Variants in KCNMA1 observed in about 807,000 individuals in gnomAD.
The protein encoded by KCNMA1 is potassium calcium-activated channel subfamily M alpha 1.
KCNMA1 carries 29 observed loss-of-function variants against 140.0 expected under a neutral mutation model. That is an observed-to-expected ratio of 0.21 (90% CI 0.15 to 0.28). KCNMA1 has a LOEUF of 0.28. KCNMA1 is among the 10% of genes least tolerant of loss of function. KCNMA1 has a pLI of 1.00. For synonymous variants in KCNMA1, 612 were observed against 611.9 expected, an observed-to-expected ratio of 1.00 and a Z score of 0.00; for missense variants, 880 against 1,602.2, an observed-to-expected ratio of 0.55 and a Z score of 7.70.
intron 1 of KCNMA1, among the ~76,000 whole-genome samples, chr10:77,537,757 C>T (rs1268582432): frequency 2.6e-5 from 4 of 152,102 alleles, no homozygotes; most frequent in Admixed American, 6.5e-5. Context: ...ATCAGAGTCT[C>T]GGTGGCACCG....
chr10:77,409,722 C>T (rs2096576492), intron 1 of KCNMA1, among the ~76,000 whole-genome samples: 1 of 152,178 alleles, frequency 6.6e-6, no homozygotes, highest in African/African-American at 2.4e-5. Flanking sequence ...CAGCCCCATC[C>T]CTCAGATTTG....
chr10:77,475,482 T>C (rs2154529863), intron 1 of KCNMA1, among the ~76,000 whole-genome samples: 1 of 152,278 alleles, frequency 6.6e-6, no homozygotes, highest in East Asian at 1.9e-4. Flanking sequence ...TTAAGATCCT[T>C]ACACACGCTT....
At chr10:76,996,220 T>C (rs2084275493) in intron 19 of KCNMA1, among the ~76,000 whole-genome samples, 1 of 152,210 alleles carries the variant, frequency 6.6e-6, no homozygotes, top group Non-Finnish European at 1.5e-5. Context: ...AAGGCAATTT[T>C]GCCCAAGCAT....
chr10:77,107,737 C>A (rs2097224817), intron 9 of KCNMA1, among the ~76,000 whole-genome samples: 1 of 152,202 alleles, frequency 6.6e-6, no homozygotes, highest in Non-Finnish European at 1.5e-5. Context: ...CAGAAATATA[C>A]TATTTCTTGC....
At chr10:77,406,989 A>G (rs1428906936) in intron 1 of KCNMA1, among the ~76,000 whole-genome samples, 2 of 152,210 alleles carry the variant, frequency 1.3e-5, no homozygotes, top group Non-Finnish European at 2.9e-5. Flanking sequence ...TAACTGCATC[A>G]GTAATTCATA....
chr10:77,541,171 A>G (rs986271718), intron 1 of KCNMA1, among the ~76,000 whole-genome samples: 1 of 152,172 alleles, frequency 6.6e-6, no homozygotes, highest in Non-Finnish European at 1.5e-5. Context: ...AAACTCACAT[A>G]TTGTATCAGT....
chr10:77,600,784 C>T (rs1394331065), intron 1 of KCNMA1, among the ~76,000 whole-genome samples: 6 of 151,884 alleles, frequency 4.0e-5, no homozygotes, highest in Non-Finnish European at 5.9e-5. Context: ...CACACATATG[C>T]GCACATGCAC....
intron 3 of KCNMA1, among the ~76,000 whole-genome samples, chr10:77,185,415 T>C (rs764890431): frequency 6.6e-6 from 1 of 152,056 alleles, no homozygotes; most frequent in Non-Finnish European, 1.5e-5. Flanking sequence ...CATTAGTTGA[T>C]TAATAAATTC....
intron 3 of KCNMA1, among the ~76,000 whole-genome samples, chr10:77,229,975 CAG>C (rs2053029219): frequency 6.6e-6 from 1 of 152,130 alleles, no homozygotes; most frequent in Admixed American, 6.5e-5. Context: ...GGAATTCAAA[CAG>C]ATACTTGTGC....
chr10:77,005,637 G>T (rs2088245511), intron 18 of KCNMA1, among the ~76,000 whole-genome samples: 4 of 152,302 alleles, frequency 2.6e-5, no homozygotes, highest in South Asian at 2.1e-4. Context: ...ATTCTATGAG[G>T]TTATGTGGTT....
intron 2 of KCNMA1, among the ~76,000 whole-genome samples, chr10:77,258,216 T>TA (rs1457985072): frequency 6.6e-6 from 1 of 152,220 alleles, no homozygotes; most frequent in Non-Finnish European, 1.5e-5. Flanking sequence ...GTAAACCATG[T>TA]ATACATAAGT....
At chr10:77,393,315 C>T (rs945143113) in intron 2 of KCNMA1, among the ~76,000 whole-genome samples, 11 of 152,210 alleles carry the variant, frequency 7.2e-5, no homozygotes, top group African/African-American at 2.7e-4. Context: ...ATTTGTTCTT[C>T]ACCCCCTGAC....
chr10:77,592,341 C>A (rs896810509), intron 1 of KCNMA1, among the ~76,000 whole-genome samples: 1 of 152,146 alleles, frequency 6.6e-6, no homozygotes, highest in Non-Finnish European at 1.5e-5. Flanking sequence ...GGACCCTGGA[C>A]TGGATCCTGG....
At chr10:77,072,899 C>T (rs1358839413) in intron 14 of KCNMA1, among the ~76,000 whole-genome samples, 198 bp downstream of exon 14, 1 of 152,086 alleles carries the variant, frequency 6.6e-6, no homozygotes, top group Non-Finnish European at 1.5e-5. Context: ...CATTTAATGG[C>T]CGTGGATGTG....
In KCNMA1 at chr10:76,878,838, G is replaced by A. The variant is rs142326446; in HGVS notation, c.3428-948C>T. Among the ~76,000 whole-genome samples, 344 of 152,162 alleles carry A rather than the reference G, an allele frequency of 2.3e-3. 2 individuals are homozygous for A. The highest frequency in any genetic ancestry group is 8.1e-3 in the African/African-American group (338 of 41,498). On this transcript the variant is annotated intron_variant, in intron 29 of 29. Coordinates refer to the KCNMA1 transcript ENST00000372403. ...CCTCTTTCTAGGATTGAAATTTTCT[G>A]GGAAATTGGCCATGTGTATAGATAG...
intron 1 of KCNMA1, among the ~76,000 whole-genome samples, chr10:77,449,056 C>A (rs1182600157): frequency 1.3e-5 from 2 of 149,866 alleles, no homozygotes; most frequent in Admixed American, 1.3e-4. Context: ...CACTGCACTC[C>A]AGCCTGGGCA....
chr10:77,048,511 G>A (rs964385904), intron 14 of KCNMA1, among the ~76,000 whole-genome samples: 4 of 152,176 alleles, frequency 2.6e-5, no homozygotes, highest in Admixed American at 1.3e-4. Flanking sequence ...GGGATTCTGT[G>A]GTGGCCCCTA....
At chr10:77,553,002 T>C (rs2063231280) in intron 1 of KCNMA1, among the ~76,000 whole-genome samples, 1 of 151,794 alleles carries the variant, frequency 6.6e-6, no homozygotes, top group Admixed American at 6.6e-5. Flanking sequence ...TGAGCTGAGA[T>C]TGCACCACTG....
chr10:77,170,670 C>T (rs1171012196), intron 5 of KCNMA1, among the ~76,000 whole-genome samples: 4 of 152,172 alleles, frequency 2.6e-5, no homozygotes, highest in African/African-American at 4.8e-5. Flanking sequence ...CTCCAACACA[C>T]CCTGTATCTA....
Sources: gnomAD v4.1 joint callset for allele counts (sites outside exome capture counted in the v4.1 genomes callset) on GRCh38, gnomAD v4.1.1 for gene constraint, MANE v1.5 for transcripts, NCBI Gene and HGNC (gene_info 2026-07-23, HGNC 2026-07-21) for gene names.